The following PDK1 variants were observed in gnomAD, a reference collection of about 807,000 sequenced individuals.
PDK1 encodes pyruvate dehydrogenase kinase 1, also known as [Pyruvate dehydrogenase (acetyl-transferring)] kinase isozyme 1, mitochondrial.
Under a neutral mutation model 54.2 loss-of-function variants are expected in PDK1, and 39 were observed. The ratio of observed to expected loss-of-function variants is 0.72; its 90% CI spans 0.56 to 0.94. PDK1 has a LOEUF of 0.94. Ranked by LOEUF, PDK1 falls within the 40% of genes least tolerant of loss-of-function variation. PDK1 has a pLI of 0.00. For synonymous variants in PDK1, 221 were observed against 207.1 expected (o/e 1.07, Z -0.58); for missense variants, 552 against 566.0 (o/e 0.98, Z 0.25).
In PDK1 at chr2:172,563,526, C is replaced by T. The variant is rs578056654; in HGVS notation, c.411-977C>T. ...ATGGGTTATGTTAGAAAATTGGTTT[C>T]GTTACTGCATAATTAAGACTTCTTG... is the stretch of plus-strand genomic sequence containing the variant. On this transcript the variant is annotated intron_variant, in intron 3 of 10. Transcript: ENST00000282077. 2.4e-4 allele frequency among the ~76,000 whole-genome samples: 36 copies of T among 152,256 alleles called. No individual in the cohort carries two copies. The South Asian group carries it at 6.0e-3, about 25-fold the overall frequency.
the PDK1 span, among the ~76,000 whole-genome samples, chr2:172,706,788 G>A: frequency 1.3e-5 from 2 of 152,198 alleles, no homozygotes; most frequent in Non-Finnish European, 2.9e-5. Context: ...ACTTATTTGA[G>A]CTTTCTGTCT....
the PDK1 span, among the ~76,000 whole-genome samples, chr2:172,631,016 CT>C: frequency 6.6e-6 from 1 of 152,206 alleles, no homozygotes; most frequent in African/African-American, 2.4e-5. Flanking sequence ...CACTTCATAG[CT>C]TTACCTTTCA....
At chr2:172,590,067 T>C (rs959065041) in intron 9 of PDK1, among the ~76,000 whole-genome samples, 1 of 152,024 alleles carries the variant, frequency 6.6e-6, no homozygotes. Flanking sequence ...TGCTGGTATG[T>C]TTTGAAGATT....
the PDK1 span, among the ~76,000 whole-genome samples, chr2:172,615,333 A>G: frequency 6.6e-6 from 1 of 152,226 alleles, no homozygotes. Context: ...ATTAAAATTA[A>G]ATGATAGAGG....
At position 172,586,373 on chromosome 2, in the gene PDK1, C is replaced by CCG; in HGVS notation, c.1045_1046dup (p.Val350GlnfsTer25). ...CACCAAGACCTCGTGTTGAGACCTC[C>CCG]CGCGCAGTGCCTCTGGTATGTTATC... On this transcript the variant is annotated frameshift_variant, in exon 9 of 11. Transcript: ENST00000282077. LOFTEE classifies it high-confidence loss of function. 6.3e-7 allele frequency: 1 copy of CCG among 1,591,356 alleles called. No individual in the cohort carries two copies. The highest frequency in any genetic ancestry group is 8.6e-7 in the Non-Finnish European group (1 of 1,159,482).
chr2:172,570,492 C>G (rs1019023396), intron 7 of PDK1: 1 of 380,364 alleles, frequency 2.6e-6, no homozygotes, highest in Non-Finnish European at 4.6e-6. Context: ...GTTTTGAAGT[C>G]TGACTTTGGA....
chr2:172,568,267 G>T (rs1386354074), intron 6 of PDK1, among the ~76,000 whole-genome samples: 2 of 144,184 alleles, frequency 1.4e-5, no homozygotes, highest in Non-Finnish European at 3.0e-5. Flanking sequence ...AGTGGAGGTT[G>T]CAGTGAGCCA....
At chr2:172,715,742 T>C in the PDK1 span, among the ~76,000 whole-genome samples, 1 of 152,176 alleles carries the variant, frequency 6.6e-6, no homozygotes. Flanking sequence ...AATTGTTACA[T>C]GTGAACTGCC....
chr2:172,644,107 C>T, the PDK1 span, among the ~76,000 whole-genome samples: 1 of 152,072 alleles, frequency 6.6e-6, no homozygotes, highest in Non-Finnish European at 1.5e-5. Flanking sequence ...GGAGATGCCC[C>T]GAGGGCATGA....
At chr2:172,711,324 C>T in the PDK1 span, among the ~76,000 whole-genome samples, 1 of 152,194 alleles carries the variant, frequency 6.6e-6, no homozygotes, top group Non-Finnish European at 1.5e-5. Context: ...TCTCCTCTTC[C>T]ACTCTGTCCC....
rs1301514687 is a variant in PDK1 at position 172,604,963 on chromosome 2, T to TAAAAA, written c.*8995_*8996insAAAAA. Reference sequence around the variant, plus strand: ...GGCAGTAAATGGCTTATTAAGCAAGTATAAGATTCAAGATCTCAGCCCCAA... The same window carrying TAAAAA: ...GGCAGTAAATGGCTTATTAAGCAAGTAAAAAATAAGATTCAAGATCTCAGCCCCAA... On this transcript the variant is annotated 3_prime_UTR_variant, in exon 11 of 11. Transcript: ENST00000282077. 18 of 152,224 alleles carry TAAAAA rather than the reference T, an allele frequency of 1.2e-4. No individual in the cohort carries two copies. Among genetic ancestry groups the TAAAAA allele is most frequent in the Non-Finnish European group, 1.9e-4 (13 of 68,044 alleles). 9.4% of individuals were successfully genotyped at this position (152,224 alleles called of 1,614,324 possible).
At chr2:172,705,162 T>C in the PDK1 span, among the ~76,000 whole-genome samples, 1 of 152,238 alleles carries the variant, frequency 6.6e-6, no homozygotes, top group African/African-American at 2.4e-5. Context: ...TTAAATTTTG[T>C]ATAAAATGTA....
the PDK1 span, among the ~76,000 whole-genome samples, chr2:172,720,887 C>T: frequency 6.6e-6 from 1 of 152,134 alleles, no homozygotes; most frequent in Non-Finnish European, 1.5e-5. Flanking sequence ...CACTCCCCTC[C>T]TCCAGGCCTG....
At chr2:172,686,460 G>A in the PDK1 span, among the ~76,000 whole-genome samples, 1 of 152,078 alleles carries the variant, frequency 6.6e-6, no homozygotes, top group African/African-American at 2.4e-5. Flanking sequence ...TTGTAAAATG[G>A]ACCAATCAGC....
intron 8 of PDK1, among the ~76,000 whole-genome samples, chr2:172,582,502 G>T (rs1442677247): frequency 6.6e-6 from 1 of 152,192 alleles, no homozygotes; most frequent in Non-Finnish European, 1.5e-5. Flanking sequence ...GCACTGAAGA[G>T]AAAACTTTAA....
At chr2:172,618,999 A>G in the PDK1 span, among the ~76,000 whole-genome samples, 1 of 152,066 alleles carries the variant, frequency 6.6e-6, no homozygotes, top group African/African-American at 2.4e-5. Context: ...CTATAGAGCA[A>G]CTCTGGATGA....
Position 172,564,701 on chromosome 2 carries a change from A to G in PDK1, c.595+14A>G. On this transcript the variant is annotated intron_variant, in intron 4 of 10. Transcript: ENST00000282077. The stretch of plus-strand genomic sequence containing the variant: ...TCAATCAGCACTGTAAGTGTCCCTC[A>G]TGAGTCAAGAGAAGAAGCTAAATGA... 1.9e-6 allele frequency: 3 copies of G among 1,598,866 alleles called. No individual in the cohort carries two copies. The highest frequency in any genetic ancestry group is 2.6e-6 in the Non-Finnish European group (3 of 1,166,960).
At chr2:172,683,719 T>C in the PDK1 span, among the ~76,000 whole-genome samples, 1 of 152,168 alleles carries the variant, frequency 6.6e-6, no homozygotes, top group East Asian at 1.9e-4. Context: ...AGTTACAAAA[T>C]AGGTCAAAAG....
chr2:172,570,732 A>G lies in PDK1; in HGVS notation c.853A>G (p.Met285Val), dbSNP rs762557515. The G allele has an allele frequency of 1.3e-5, 20 of 1,590,666 alleles. No individual in the cohort carries two copies. Among genetic ancestry groups the G allele is most frequent in the South Asian group, 3.4e-5 (3 of 89,038 alleles). Residue 285 changes from methionine (M) to valine (V), a missense_variant, in exon 8 of 11, where the codon ATG becomes GTG. Met to Val is a conservative substitution (Grantham distance 21, BLOSUM62 1). Coordinates refer to ENST00000282077, the MANE Select transcript of PDK1 (RefSeq NM_002610.5). ...HMVFELFKNA[M>V]RATMEHHANR... ...CAACCCTAATGTATTTCAGAATGCA[A>G]TGAGAGCCACTATGGAACACCATGC...
Sources: gnomAD v4.1 joint callset for allele counts (sites outside exome capture counted in the v4.1 genomes callset) on GRCh38, gnomAD v4.1.1 for gene constraint, MANE v1.5 for transcripts, NCBI Gene and HGNC (gene_info 2026-07-23, HGNC 2026-07-21) for gene names.